Variants in ACSS1 observed in about 807,000 individuals in gnomAD.
ACSS1 encodes the protein acyl-CoA synthetase short chain family member 1.
Under a neutral mutation model 75.3 loss-of-function variants are expected in ACSS1, and 42 were observed. The ratio of observed to expected loss-of-function variants is 0.56; its 90% CI spans 0.44 to 0.72. ACSS1 has a LOEUF of 0.72. Among genes scored for constraint, ACSS1 ranks in the 30% least tolerant of loss-of-function variants. ACSS1 has a pLI of 0.00. For synonymous variants in ACSS1, 380 were observed against 376.8 expected (o/e 1.01, Z -0.10); for missense variants, 782 against 935.7 (o/e 0.84, Z 2.14).
In ACSS1 at chr20:25,012,482, G is replaced by C. The variant is rs1032973424; in HGVS notation, c.1771+119C>G. On this transcript the variant is annotated intron_variant, in intron 12 of 13. Coordinates refer to ENST00000323482, the MANE Select transcript of ACSS1 (RefSeq NM_032501.4). ...TCCACTTGAGAGAGAAGAACACTGA[G>C]AGCTTGGCCCACAGTATCCCCTATC... is the stretch of plus-strand genomic sequence containing the variant. 2.4e-6 allele frequency: 3 copies of C among 1,245,272 alleles called. No individual in the cohort carries two copies. In the African/African-American group the frequency reaches 4.5e-5, roughly 19 times the overall value. The allele number at this position is 1,245,272 out of a possible 1,614,324, so 77.1% of individuals were successfully genotyped here.
At chr20:25,054,441 T>C (rs994427037) in intron 1 of ACSS1, among the ~76,000 whole-genome samples, 2 of 152,254 alleles carry the variant, frequency 1.3e-5, no homozygotes, top group African/African-American at 4.8e-5. Context: ...CCTCATTTCA[T>C]TCTAACAGCC....
At chr20:25,012,318 A>C in intron 12 of ACSS1, 1 of 505,070 alleles carries the variant, frequency 2.0e-6, no homozygotes, top group East Asian at 3.5e-5. Flanking sequence ...CCATGGACAG[A>C]AGGGGAAACC....
intron 2 of ACSS1, chr20:25,032,331 C>T: frequency 7.6e-7 from 1 of 1,311,034 alleles, no homozygotes; most frequent in Non-Finnish European, 9.7e-7. Flanking sequence ...ATACTCAACT[C>T]CGGGAAAACT....
intron 8 of ACSS1, 22 bp downstream of exon 8, chr20:25,015,116 C>A: frequency 1.3e-6 from 2 of 1,595,766 alleles, no homozygotes; most frequent in Non-Finnish European, 8.6e-7. Flanking sequence ...TAGACCGGAA[C>A]CTGTTCCCCA....
chr20:25,056,503 A>C (rs975647896), intron 1 of ACSS1, among the ~76,000 whole-genome samples: 1 of 152,206 alleles, frequency 6.6e-6, no homozygotes, highest in Non-Finnish European at 1.5e-5. Context: ...AAATAACTGC[A>C]AGACACTATC....
In ACSS1 at chr20:25,013,593, TGGCCATGCCCGGCCA is replaced by T. The variant is rs2088458285; in HGVS notation, c.1507_1521del (p.Trp503_Ala507del). 1 of 1,610,906 alleles carries T rather than the reference TGGCCATGCCCGGCCA, an allele frequency of 6.2e-7. No individual in the cohort carries two copies. The highest frequency in any genetic ancestry group is 8.5e-7 in the Non-Finnish European group (1 of 1,177,982). On this transcript the variant is annotated inframe_deletion, in exon 10 of 14. Transcript: ENST00000323482. ...CGCTGGTGGTCGCCATAGATGGTCC[TGGCCATGCCCGGCCA>T]GGCCTGGGAGATGCACAGGGCCCCG... is the stretch of plus-strand genomic sequence containing the variant.
In ACSS1 at chr20:25,048,069, T is replaced by A. The variant is rs1301301316; in HGVS notation, c.431+16A>T. The A allele has an allele frequency of 6.2e-7, 1 of 1,612,392 alleles. No homozygotes were observed. The highest frequency in any genetic ancestry group is 8.5e-7 in the Non-Finnish European group (1 of 1,179,208). ...GGGCGCCTCCCTCGCACCTTGAACATTCGAGGGCACAGTACCTGTAGGTGA... is the reference window on the plus strand; with the variant it reads ...GGGCGCCTCCCTCGCACCTTGAACAATCGAGGGCACAGTACCTGTAGGTGA... On this transcript the variant is annotated intron_variant, in intron 2 of 13. Transcript: ENST00000323482.
chr20:25,057,356 C>T (rs1226243578), intron 1 of ACSS1, among the ~76,000 whole-genome samples: 1 of 152,240 alleles, frequency 6.6e-6, no homozygotes, highest in African/African-American at 2.4e-5. Context: ...TTGTTTTTCC[C>T]TCCACCCCGG....
At position 25,007,056 on chromosome 20, in the gene ACSS1, C is replaced by T. The variant is rs908234680; in HGVS notation, c.*706G>A. On this transcript the variant is annotated 3_prime_UTR_variant, in exon 14 of 14. Transcript: ENST00000323482. ...ATTCACCCCACCGCTTAGGAGTTAGCTCCATTATACACAACCAAGCACAGG... is the reference window on the plus strand; with the variant it reads ...ATTCACCCCACCGCTTAGGAGTTAGTTCCATTATACACAACCAAGCACAGG... The T allele has an allele frequency of 2.0e-6, 3 of 1,476,470 alleles. No individual in the cohort carries two copies. The highest frequency in any genetic ancestry group is 2.7e-6 in the Non-Finnish European group (3 of 1,117,770). 91.5% of individuals were successfully genotyped at this position (1,476,470 alleles called of 1,614,324 possible).
intron 1 of ACSS1, 92 bp from the exon 2 acceptor site, chr20:25,048,273 T>C: frequency 1.9e-6 from 2 of 1,041,146 alleles, no homozygotes; most frequent in Non-Finnish European, 2.9e-6. Flanking sequence ...TCTAGTTTGC[T>C]GTGGCTCTCT....
chr20:25,046,966 G>A (rs1216947308), intron 2 of ACSS1: 10 of 777,746 alleles, frequency 1.3e-5, no homozygotes, highest in Non-Finnish European at 2.4e-5. Context: ...TGGTGGAGCT[G>A]TGATGGGCCT....
At chr20:25,009,160 C>A in intron 13 of ACSS1, 110 bp downstream of exon 13, 2 of 989,222 alleles carry the variant, frequency 2.0e-6, no homozygotes, top group Admixed American at 1.9e-5. Flanking sequence ...AGCTAGTGTC[C>A]GTTTTGATGC....
intron 1 of ACSS1, among the ~76,000 whole-genome samples, chr20:25,055,225 T>A (rs2089225906): frequency 6.6e-6 from 1 of 152,246 alleles, no homozygotes. Flanking sequence ...CTGCGAGGAA[T>A]ATAAAATTGT....
At chr20:25,052,786 C>T (rs2089192128) in intron 1 of ACSS1, among the ~76,000 whole-genome samples, 2 of 152,380 alleles carry the variant, frequency 1.3e-5, no homozygotes, top group Non-Finnish European at 2.9e-5. Context: ...GGCGCTCCAT[C>T]TCGCTCACAG....
chr20:25,045,370 C>A (rs762143531), intron 2 of ACSS1, among the ~76,000 whole-genome samples: 1 of 152,186 alleles, frequency 6.6e-6, no homozygotes, highest in Non-Finnish European at 1.5e-5. Flanking sequence ...AGGCCATGGG[C>A]ACCCGTCCCA....
chr20:25,007,072 C>G lies in ACSS1; in HGVS notation c.*690G>C. 1 of 1,445,642 alleles carries G rather than the reference C, an allele frequency of 6.9e-7. No individual in the cohort carries two copies. Among genetic ancestry groups the G allele is most frequent in the Non-Finnish European group, 9.1e-7 (1 of 1,102,980 alleles). The allele number at this position is 1,445,642 out of a possible 1,614,324, so 89.6% of individuals were successfully genotyped here. ...AGGAGTTAGCTCCATTATACACAAC[C>G]AAGCACAGGAGAAACACTCACCAGG... On this transcript the variant is annotated 3_prime_UTR_variant, in exon 14 of 14. Transcript: ENST00000323482.
intron 2 of ACSS1, among the ~76,000 whole-genome samples, chr20:25,034,052 G>A (rs1051816074): frequency 2.5e-5 from 2 of 79,822 alleles, no homozygotes; most frequent in Non-Finnish European, 6.3e-5. Context: ...GATTTGATCC[G>A]GTAAATCTCA....
At chr20:25,033,102 G>A (rs923299620) in intron 2 of ACSS1, among the ~76,000 whole-genome samples, 1 of 152,166 alleles carries the variant, frequency 6.6e-6, no homozygotes, top group Admixed American at 6.5e-5. Context: ...ACTCCGGGGA[G>A]GAGGCTGGGG....
intron 3 of ACSS1, among the ~76,000 whole-genome samples, chr20:25,028,846 G>C (rs2088774062): frequency 6.6e-6 from 1 of 152,060 alleles, no homozygotes; most frequent in East Asian, 1.9e-4. Context: ...CTTGAACCCA[G>C]GAGGCGGAGG....
Sources: gnomAD v4.1 joint callset for allele counts (sites outside exome capture counted in the v4.1 genomes callset) on GRCh38, gnomAD v4.1.1 for gene constraint, MANE v1.5 for transcripts, NCBI Gene and HGNC (gene_info 2026-07-23, HGNC 2026-07-21) for gene names.